OTOP3: variants seen among roughly 807,000 people sequenced by gnomAD.
The protein encoded by OTOP3 is proton channel OTOP3.
A neutral mutation model predicts 50.8 loss-of-function variants in OTOP3; 41 were observed. The ratio of observed to expected loss-of-function variants is 0.81; its 90% confidence interval spans 0.63 to 1.05. OTOP3 has a LOEUF of 1.05. Among genes scored for constraint, OTOP3 ranks in the 50% least tolerant of loss-of-function variants. The pLI is 0.00. For synonymous variants in OTOP3, 320 were observed against 324.4 expected (o/e 0.99, Z 0.14); for missense variants, 788 against 760.8 (o/e 1.04, Z -0.42).
At position 74,949,132 on chromosome 17, in the gene OTOP3, C is replaced by CG; in HGVS notation, c.1567-111dup. The stretch of plus-strand genomic sequence containing the variant: ...GCCCAAGGGTTAGAAGAAGACTGAG[C>CG]GGGAGGTGGGGGTGGCACTGGAGGG... On this transcript the variant is annotated intron_variant, in intron 6 of 6. Coordinates refer to ENST00000328801, the MANE Select transcript of OTOP3 (RefSeq NM_001272005.2). The CG allele has an allele frequency of 9.7e-6, 10 of 1,032,540 alleles. 1 individual carries two copies. In the Admixed American group the frequency reaches 1.6e-4, roughly 17 times the overall value. 64.0% of individuals were successfully genotyped at this position (1,032,540 alleles called of 1,614,324 possible).
At chr17:74,937,762 C>T (rs1172890070) in intron 1 of OTOP3, among the ~76,000 whole-genome samples, 1 of 152,172 alleles carries the variant, frequency 6.6e-6, no homozygotes, top group Non-Finnish European at 1.5e-5. Context: ...AAGCAGGACC[C>T]GGTCTCTGTC....
chr17:74,939,170 G>A (rs2039147288), intron 1 of OTOP3, among the ~76,000 whole-genome samples: 1 of 152,028 alleles, frequency 6.6e-6, no homozygotes, highest in African/African-American at 2.4e-5. Context: ...CGAGACCCTA[G>A]CTCTAAAAAT....
chr17:74,949,117 TAGA>T (rs139084906), intron 6 of OTOP3, 126 bp from the exon 7 acceptor site: 189,015 of 914,540 alleles, frequency 0.21, 20,429 homozygotes, highest in East Asian at 0.24. Context: ...GCCCAAGGGT[TAGA>T]AGAAGACTGA....
At chr17:74,942,096 G>A (rs938481686) in intron 3 of OTOP3, 59 bp downstream of exon 3, 2 of 1,541,144 alleles carry the variant, frequency 1.3e-6, no homozygotes, top group Admixed American at 1.9e-5. Flanking sequence ...CCCATGCCAT[G>A]CACACACCTC....
At position 74,941,965 on chromosome 17, in the gene OTOP3, G is replaced by A. The variant is rs2039180828; in HGVS notation, c.501G>A (p.Val167=). 2 of 1,613,698 alleles carry A rather than the reference G, an allele frequency of 1.2e-6. No homozygotes were observed. Among genetic ancestry groups the A allele is most frequent in the East Asian group, 4.5e-5 (2 of 44,876 alleles). The change falls in exon 3 of 7, where the codon GTG becomes GTA. Residue 167 remains valine (V), a synonymous_variant. Transcript: ENST00000328801. The stretch of plus-strand genomic sequence containing the variant: ...ACATCTTCCGAGTGGGCTACGATGT[G>A]AGCCACATCCGCTGCAAGTCACAGC... ...CLNIFRVGYD[V]SHIRCKSQLD...
chr17:74,946,124 C>A (rs901597056), intron 5 of OTOP3, among the ~76,000 whole-genome samples: 1 of 151,860 alleles, frequency 6.6e-6, no homozygotes, highest in Non-Finnish European at 1.5e-5. Flanking sequence ...ATTACAGGCA[C>A]GTGCCACCAT....
intron 1 of OTOP3, among the ~76,000 whole-genome samples, chr17:74,941,111 T>C (rs753958143): frequency 2.0e-5 from 3 of 152,066 alleles, no homozygotes; most frequent in Non-Finnish European, 4.4e-5. Flanking sequence ...CAGGCACAAG[T>C]CAGGAAGTGG....
At chr17:74,941,128 G>C (rs1016050474) in intron 1 of OTOP3, among the ~76,000 whole-genome samples, 1 of 152,190 alleles carries the variant, frequency 6.6e-6, no homozygotes, top group African/African-American at 2.4e-5. Context: ...GTGGGGTTGA[G>C]AGGGAGGACA....
chr17:74,942,901 C>T (rs188610420), intron 3 of OTOP3, among the ~76,000 whole-genome samples: 2,015 of 149,510 alleles, frequency 0.013, 38 homozygotes, highest in Non-Finnish European at 0.014. Context: ...GCCGAGATTG[C>T]GCCACTGCAC....
At position 74,949,517 on chromosome 17, in the gene OTOP3, T is replaced by G; in HGVS notation, c.*101T>G. On this transcript the variant is annotated 3_prime_UTR_variant, in exon 7 of 7. Coordinates refer to ENST00000328801, the MANE Select transcript of OTOP3 (RefSeq NM_001272005.2). The stretch of plus-strand genomic sequence containing the variant: ...TCATTCTGAGGTGCCGAGACCAGCC[T>G]GAGGCTCTCAAGGCCTCCTGCTCCC... 5.8e-6 allele frequency: 8 copies of G among 1,383,870 alleles called. No individual in the cohort carries two copies. The highest frequency in any genetic ancestry group is 6.8e-6 in the Non-Finnish European group (7 of 1,025,140). 85.7% of individuals were successfully genotyped at this position (1,383,870 alleles called of 1,614,324 possible). A position where few individuals can be genotyped will look rare whatever the true frequency, so the allele number is the denominator to read the frequency against.
At chr17:74,937,434 A>G (rs956770544) in intron 1 of OTOP3, among the ~76,000 whole-genome samples, 2 of 152,200 alleles carry the variant, frequency 1.3e-5, no homozygotes, top group African/African-American at 2.4e-5. Context: ...TGAGCACTTG[A>G]TCATTAATCT....
upstream of OTOP3, chr17:74,935,843 G>T (rs990588386): frequency 1.3e-6 from 2 of 1,531,200 alleles, no homozygotes; most frequent in Non-Finnish European, 1.8e-6. Flanking sequence ...AGTCCCGCTG[G>T]GGGAGGGCGT....
chr17:74,942,593 T>C (rs2039188373), intron 3 of OTOP3, among the ~76,000 whole-genome samples: 1 of 150,546 alleles, frequency 6.6e-6, no homozygotes, highest in Admixed American at 6.6e-5. Context: ...ATCATGCCAC[T>C]GAGCTCCAGC....
rs1444708575 is a variant in OTOP3, at chr17:74,941,936, C to G, written c.472C>G (p.Leu158Val). 3 of 1,612,712 alleles carry G rather than the reference C, an allele frequency of 1.9e-6. No individual in the cohort carries two copies. The South Asian group carries it at 3.3e-5, about 18-fold the overall frequency. The change falls in exon 3 of 7, where the codon CTC (leucine) becomes GTC (valine). Residue 158 changes from leucine to valine, a missense_variant. Coordinates refer to ENST00000328801, the MANE Select transcript of OTOP3 (RefSeq NM_001272005.2). ...GCTCTTCGGCAGCTGCACCTTCTGC[C>G]TCAACATCTTCCGAGTGGGCTACGA... ...LVLFGSCTFC[L>V]NIFRVGYDVS...
intron 5 of OTOP3, among the ~76,000 whole-genome samples, chr17:74,945,768 T>G (rs142710792): frequency 6.6e-6 from 1 of 152,118 alleles, no homozygotes; most frequent in South Asian, 2.1e-4. Flanking sequence ...AGAGACATCA[T>G]GTGAGGGTTC....
At chr17:74,948,529 G>A (rs890874145) in intron 6 of OTOP3, among the ~76,000 whole-genome samples, 5 of 152,254 alleles carry the variant, frequency 3.3e-5, no homozygotes, top group African/African-American at 9.6e-5. Flanking sequence ...GCATGGTGGT[G>A]CACACCTGTA....
At position 74,946,800 on chromosome 17, in the gene OTOP3, G is replaced by A. The variant is rs2039229240; in HGVS notation, c.891G>A (p.Val297=). 6.2e-7 allele frequency: 1 copy of A among 1,612,076 alleles called. No individual in the cohort carries two copies. Among genetic ancestry groups the A allele is most frequent in the African/African-American group, 1.3e-5 (1 of 75,068 alleles). ...TGCTGTTTGTCATGTGGAAGAACGT[G>A]GGCCGCCACGTGGCACCCCACATGG... is the stretch of plus-strand genomic sequence containing the variant. ...CAVLFVMWKN[V]GRHVAPHMGA... The change falls in exon 6 of 7, where the codon GTG becomes GTA. Residue 297 remains valine (V), a synonymous_variant. Transcript: ENST00000328801.
chr17:74,939,157 G>A (rs1266825162), intron 1 of OTOP3, among the ~76,000 whole-genome samples: 5 of 152,170 alleles, frequency 3.3e-5, no homozygotes, highest in African/African-American at 1.2e-4. Flanking sequence ...CTGGGTGACA[G>A]AGCGAGACCC....
rs183655675 is a variant in OTOP3 at position 74,947,056 on chromosome 17, G to T, written c.1147G>T (p.Glu383Ter). 1 of 1,613,938 alleles carries T rather than the reference G, an allele frequency of 6.2e-7. No individual in the cohort carries two copies. The highest frequency in any genetic ancestry group is 2.2e-5 in the East Asian group (1 of 44,880). Residue 383 changes from glutamate (E) to a stop codon, truncating the protein, a stop_gained, in exon 6 of 7, where the codon GAG (glutamate) becomes TAG (stop). Transcript: ENST00000328801. LOFTEE classifies it high-confidence loss of function. ...GGGCACAGCCATACACGGGCTGGAG[G>T]AGAGAGAGCTGGACACGGTCAAGAA... Reference protein sequence around the residue: ...LAGTAIHGLEERELDTVKNPT... With the variant: ...LAGTAIHGLE
Sources: allele counts gnomAD v4.1 joint callset (sites outside exome capture counted in the v4.1 genomes callset), GRCh38; gene constraint gnomAD v4.1.1; transcripts MANE v1.5; gene names NCBI Gene and HGNC (gene_info 2026-07-23, HGNC 2026-07-21).